Variants in ANKRD28 observed in about 807,000 individuals in gnomAD.
The protein encoded by ANKRD28 is serine/threonine-protein phosphatase 6 regulatory ankyrin repeat subunit A.
In ANKRD28, 44 loss-of-function variants were observed where a neutral mutation model predicts 126.5. That is an observed-to-expected ratio of 0.35 (90% CI 0.27 to 0.45). ANKRD28 has a LOEUF of 0.45. Ranked by LOEUF, ANKRD28 falls within the 20% of genes least tolerant of loss-of-function variation. The probability of loss-of-function intolerance (pLI) is 1.00; values close to 1 mark genes in which losing one functional copy is unlikely to be tolerated. For missense variants in ANKRD28, 1,110 were observed against 1,316.6 expected (o/e 0.84, Z 2.43); for synonymous variants, 442 against 468.5 (o/e 0.94, Z 0.73).
chr3:15,689,963 T>C, intron 18 of ANKRD28, 56 bp downstream of exon 18: 4 of 1,429,476 alleles, frequency 2.8e-6, no homozygotes, highest in Non-Finnish European at 3.7e-6. Flanking sequence ...TATCAGAAAT[T>C]GAAAAAAAGT....
In ANKRD28 at chr3:15,812,157, A is replaced by G. The variant is rs1327901900; in HGVS notation, c.28-16851T>C. Reference sequence around the variant, plus strand: ...AACAGAGTGAGACTCTGGCAAACAAAACAAAACAAAACAAAACGAAACCCA... The same window carrying G: ...AACAGAGTGAGACTCTGGCAAACAAGACAAAACAAAACAAAACGAAACCCA... On this transcript the variant is annotated intron_variant, in intron 1 of 27. Coordinates refer to the ANKRD28 transcript ENST00000399451. The surrounding 1 kb of genome is among the most constrained non-coding windows in gnomAD (Gnocchi z 4.1). Among the ~76,000 whole-genome samples the G allele has an allele frequency of 7.4e-6, 1 of 135,132 alleles. No individual in the cohort carries two copies. Among genetic ancestry groups the G allele is most frequent in the East Asian group, 3.1e-4 (1 of 3,208 alleles). The allele number at this position is 135,132 out of a possible 152,430, so 88.7% of individuals were successfully genotyped here. A position where few individuals can be genotyped will look rare whatever the true frequency, so the allele number is the denominator to read the frequency against.
intron 1 of ANKRD28, among the ~76,000 whole-genome samples, chr3:15,826,420 C>T (rs1013599089): frequency 1.3e-5 from 2 of 151,998 alleles, no homozygotes; most frequent in Non-Finnish European, 2.9e-5. Flanking sequence ...ATAAAGCATA[C>T]CATTAATTTA....
At chr3:15,672,853 G>GC (rs1559305162) in intron 27 of ANKRD28, among the ~76,000 whole-genome samples, 1 of 152,214 alleles carries the variant, frequency 6.6e-6, no homozygotes, top group Non-Finnish European at 1.5e-5. Context: ...TCGGCTCACT[G>GC]CAACTTCTGC....
In ANKRD28 at chr3:15,721,470, T is replaced by C. The variant is rs144782344; in HGVS notation, c.784-343A>G. 5.5e-3 allele frequency among the ~76,000 whole-genome samples: 833 copies of C among 152,308 alleles called. 7 individuals carry two copies. Among genetic ancestry groups the C allele is most frequent in the South Asian group, 0.018 (89 of 4,826 alleles). ...GTAAAGGATTTACTATAGAATTAAT[T>C]ATAATCATAAAAAATGAACACAAAC... On this transcript the variant is annotated intron_variant, in intron 7 of 27. Coordinates refer to ENST00000683139, the MANE Select transcript of ANKRD28 (RefSeq NM_001349278.2).
intron 1 of ANKRD28, among the ~76,000 whole-genome samples, chr3:15,834,482 TG>T (rs1337878658): frequency 6.6e-6 from 1 of 152,138 alleles, no homozygotes; most frequent in Non-Finnish European, 1.5e-5. Context: ...AGTCAGATAA[TG>T]TGATGCCTCC....
intron 14 of ANKRD28, among the ~76,000 whole-genome samples, chr3:15,704,588 A>C (rs986771969): frequency 6.6e-6 from 1 of 152,198 alleles, no homozygotes; most frequent in East Asian, 1.9e-4. Context: ...CTCTTCTTTT[A>C]GAAAATATTT....
intron 27 of ANKRD28, 140 bp from the exon 28 acceptor site, chr3:15,670,696 T>C: frequency 1.1e-6 from 1 of 881,296 alleles, no homozygotes; most frequent in Non-Finnish European, 1.7e-6. Flanking sequence ...ACCAGCATGA[T>C]TCGCAAGTTT....
rs890244714 is a variant in ANKRD28 at position 15,853,407 on chromosome 3, T to A, written c.27+5970A>T. Among the ~76,000 whole-genome samples, 3 of 152,148 alleles carry A rather than the reference T, an allele frequency of 2.0e-5. No individual in the cohort carries two copies. Among genetic ancestry groups the A allele is most frequent in the African/African-American group, 7.2e-5 (3 of 41,438 alleles). On this transcript the variant is annotated intron_variant, in intron 1 of 27. Transcript: ENST00000399451. The surrounding 1 kb of genome is among the most constrained non-coding windows in gnomAD (Gnocchi z 4.2). ...TAAGACAAAATGCTGAAAAAATGTA[T>A]CCAAAATCTAACTATTTGGGTTATC...
chr3:15,758,603 G>C (rs1047246939), intron 3 of ANKRD28, among the ~76,000 whole-genome samples: 1 of 152,142 alleles, frequency 6.6e-6, no homozygotes, highest in East Asian at 1.9e-4. Context: ...AAAATAAAGG[G>C]AGAAGACAGC....
intron 1 of ANKRD28, among the ~76,000 whole-genome samples, chr3:15,808,515 T>G (rs1575745633): frequency 6.6e-6 from 1 of 152,244 alleles, no homozygotes; most frequent in Non-Finnish European, 1.5e-5. Context: ...ATTTATTCAA[T>G]AGTCATCTTT....
intron 27 of ANKRD28, among the ~76,000 whole-genome samples, chr3:15,671,320 G>A (rs1169482173): frequency 2.0e-5 from 3 of 152,168 alleles, no homozygotes; most frequent in Non-Finnish European, 2.9e-5. Context: ...CAGTCTTGAG[G>A]ACGGAGCGGG....
intron 4 of ANKRD28, among the ~76,000 whole-genome samples, chr3:15,748,675 A>G (rs2057646659): frequency 6.6e-6 from 1 of 152,154 alleles, no homozygotes; most frequent in Non-Finnish European, 1.5e-5. Flanking sequence ...TACCTAGGTG[A>G]TAATCTTTCT....
chr3:15,791,771 CT>C lies in ANKRD28; in HGVS notation c.201+3451del, dbSNP rs201416985. 4.0e-3 allele frequency among the ~76,000 whole-genome samples: 609 copies of C among 152,262 alleles called. 4 individuals are homozygous for C. The highest frequency in any genetic ancestry group is 0.018 in the East Asian group (94 of 5,188). On this transcript the variant is annotated intron_variant, in intron 2 of 27. Transcript: ENST00000683139. Reference sequence around the variant, plus strand: ...AATGGGATCACATCAAGTTAAAAAGCTTCTGCACAGCAAAGGAAGTAATCAA... The same window carrying C: ...AATGGGATCACATCAAGTTAAAAAGCTCTGCACAGCAAAGGAAGTAATCAA...
At chr3:15,793,601 A>T (rs2060131570) in intron 2 of ANKRD28, among the ~76,000 whole-genome samples, 1 of 152,232 alleles carries the variant, frequency 6.6e-6, no homozygotes, top group South Asian at 2.1e-4. Context: ...TAATCAAGGT[A>T]GTATTTGTCA....
intron 18 of ANKRD28, among the ~76,000 whole-genome samples, chr3:15,687,646 CCACAG>C (rs2068290436): frequency 2.0e-5 from 3 of 151,186 alleles, no homozygotes; most frequent in Non-Finnish European, 4.4e-5. Flanking sequence ...CAGTATGTTC[CCACAG>C]TTATATTAAA....
At chr3:15,775,785 T>C (rs2059237207) in intron 2 of ANKRD28, among the ~76,000 whole-genome samples, 1 of 152,230 alleles carries the variant, frequency 6.6e-6, no homozygotes, top group Admixed American at 6.5e-5. Context: ...AACTGCCACA[T>C]GTTCAGCTAC....
intron 26 of ANKRD28, 196 bp downstream of exon 26, chr3:15,676,778 C>A: frequency 4.7e-6 from 2 of 423,018 alleles, no homozygotes; most frequent in Non-Finnish European, 8.4e-6. Context: ...AATAAAATTT[C>A]AGTTCAAAAG....
chr3:15,794,186 G>A (rs1309912396), intron 2 of ANKRD28, among the ~76,000 whole-genome samples: 1 of 151,900 alleles, frequency 6.6e-6, no homozygotes, highest in Non-Finnish European at 1.5e-5. Flanking sequence ...TATAATGATA[G>A]CATTCTGTTC....
At position 15,854,038 on chromosome 3, in the gene ANKRD28, T is replaced by C. The variant is rs2061709029; in HGVS notation, c.27+5339A>G. ...CTACCTAACTGGTCCTGGGTGTCCC[T>C]GTTTGTCTGCCTTTTGTAATCTACT... On this transcript the variant is annotated intron_variant, in intron 1 of 27. Coordinates refer to the ANKRD28 transcript ENST00000399451. The surrounding 1 kb of genome is among the most constrained non-coding windows in gnomAD (Gnocchi z 4.1). Among the ~76,000 whole-genome samples, 1 of 152,244 alleles carries C rather than the reference T, an allele frequency of 6.6e-6. No homozygotes were observed. Among genetic ancestry groups the C allele is most frequent in the Admixed American group, 6.5e-5 (1 of 15,284 alleles).
Sources: allele counts gnomAD v4.1 joint callset (sites outside exome capture counted in the v4.1 genomes callset), GRCh38; gene constraint gnomAD v4.1.1; non-coding constraint Gnocchi (gnomAD v3.1); transcripts MANE v1.5; gene names NCBI Gene and HGNC (gene_info 2026-07-23, HGNC 2026-07-21).